DSCC1: variants seen among roughly 807,000 people sequenced by gnomAD.
DSCC1 encodes sister chromatid cohesion protein DCC1.
DSCC1 carries 32 observed loss-of-function variants against 48.2 expected under a neutral mutation model. The ratio of observed to expected loss-of-function variants is 0.66; its 90% CI spans 0.50 to 0.89. The LOEUF is 0.89. DSCC1 is among the 40% of genes least tolerant of loss of function. The probability of loss-of-function intolerance (pLI) is 0.00; values close to 1 mark genes in which losing one functional copy is unlikely to be tolerated. For missense variants in DSCC1, 421 were observed against 471.7 expected (o/e 0.89, Z 1.00); for synonymous variants, 150 against 171.5 (o/e 0.87, Z 0.98).
rs531155664 is a variant in DSCC1 at position 119,842,706 on chromosome 8, C to T, written c.769+70G>A. 70 of 1,430,950 alleles carry T rather than the reference C, an allele frequency of 4.9e-5. No individual in the cohort carries two copies. In the Middle Eastern group the frequency reaches 5.8e-3, roughly 119 times the overall value. 88.6% of individuals were successfully genotyped at this position (1,430,950 alleles called of 1,614,324 possible). A position where few individuals can be genotyped will look rare whatever the true frequency, so the allele number is the denominator to read the frequency against. On this transcript the variant is annotated intron_variant, in intron 6 of 8. Coordinates refer to ENST00000313655, the MANE Select transcript of DSCC1 (RefSeq NM_024094.3). ...CAGCCAGAGTTCTTATTTTTAACACCGACAGGCTTTAGAAAGGTATGCCAG... is the reference window on the plus strand; with the variant it reads ...CAGCCAGAGTTCTTATTTTTAACACTGACAGGCTTTAGAAAGGTATGCCAG...
At chr8:119,845,075 A>C in intron 4 of DSCC1, among the ~76,000 whole-genome samples, 2 of 149,920 alleles carry the variant, frequency 1.3e-5, no homozygotes, top group South Asian at 4.2e-4. Context: ...TTATTTATTT[A>C]TTTATTTATT....
At chr8:119,844,085 T>C (rs776397802) in intron 4 of DSCC1, among the ~76,000 whole-genome samples, 1 of 150,364 alleles carries the variant, frequency 6.7e-6, no homozygotes, top group Non-Finnish European at 1.5e-5. Context: ...CCAAAGAACA[T>C]TTTATGTAAA....
At chr8:119,851,581 A>T (rs1217345821) in intron 2 of DSCC1, among the ~76,000 whole-genome samples, 7 of 152,204 alleles carry the variant, frequency 4.6e-5, no homozygotes, top group African/African-American at 1.7e-4. Context: ...CAAAAATCTA[A>T]ATTTCAAGAA....
In DSCC1 at chr8:119,847,003, GGCATT is replaced by G; in HGVS notation, c.559_563del (p.Asn187LeufsTer2). The G allele has an allele frequency of 6.2e-7, 1 of 1,613,700 alleles. No individual in the cohort carries two copies. Among genetic ancestry groups the G allele is most frequent in the Non-Finnish European group, 8.5e-7 (1 of 1,179,936 alleles). On this transcript the variant is annotated frameshift_variant, in exon 4 of 9. Transcript: ENST00000313655. LOFTEE classifies it high-confidence loss of function. ...AAGTAACGCTACCTCCAATCTTACA[GGCATT>G]TAGAACTTGTAATTGGGTCATTATT... is the stretch of plus-strand genomic sequence containing the variant.
At chr8:119,851,075 A>G (rs908409938) in intron 2 of DSCC1, among the ~76,000 whole-genome samples, 1 of 152,186 alleles carries the variant, frequency 6.6e-6, no homozygotes, top group African/African-American at 2.4e-5. Context: ...GAGGCCTACC[A>G]CTCAAAATCC....
At chr8:119,843,493 C>G in intron 5 of DSCC1, 116 bp downstream of exon 5, 1 of 1,390,288 alleles carries the variant, frequency 7.2e-7, no homozygotes. Flanking sequence ...GTAAACATTT[C>G]TCAAAGATAT....
intron 8 of DSCC1, among the ~76,000 whole-genome samples, chr8:119,835,736 G>A (rs1455248475): frequency 6.6e-6 from 1 of 152,142 alleles, no homozygotes; most frequent in Non-Finnish European, 1.5e-5. Context: ...AGGGCCTAGA[G>A]TCAGAGAACC....
intron 1 of DSCC1, among the ~76,000 whole-genome samples, chr8:119,855,034 T>G (rs183451956): frequency 6.6e-6 from 1 of 152,320 alleles, no homozygotes; most frequent in Admixed American, 6.5e-5. Flanking sequence ...TTCTCTAGAC[T>G]TCTCAAGACT....
At position 119,835,067 on chromosome 8, in the gene DSCC1, G is replaced by A. The variant is rs973914765; in HGVS notation, c.1074-66C>T. On this transcript the variant is annotated intron_variant, in intron 8 of 8. Transcript: ENST00000313655. The stretch of plus-strand genomic sequence containing the variant: ...GGAACATATTATGATACAGTACTAT[G>A]TACTTATTTTCTCTCTCTCCCCCTG... 1.3e-5 allele frequency: 14 copies of A among 1,077,230 alleles called. No homozygotes were observed. In the African/African-American group the frequency reaches 2.0e-4, roughly 15 times the overall value. 66.7% of individuals were successfully genotyped at this position (1,077,230 alleles called of 1,614,324 possible).
rs1264658459 is a variant in DSCC1 at position 119,843,655 on chromosome 8, C to T, written c.670G>A (p.Val224Ile). ...VDSESWSFGK[V>I]PLNTCLQELG... ...TCCTGAAGGCATGTGTTCAAAGGAA[C>T]TTTACCAAAAGACCATGATTCAGAA... Residue 224 changes from valine to isoleucine, a missense_variant, in exon 5 of 9, where the codon GTT becomes ATT. Val to Ile is a conservative substitution (Grantham distance 29). Transcript: ENST00000313655. 2.5e-6 allele frequency: 4 copies of T among 1,613,928 alleles called. No homozygotes were observed. Among genetic ancestry groups the T allele is most frequent in the East Asian group, 2.2e-5 (1 of 44,888 alleles).
intron 3 of DSCC1, among the ~76,000 whole-genome samples, chr8:119,849,407 C>CAAACA (rs757092085): frequency 7.2e-5 from 11 of 152,110 alleles, no homozygotes; most frequent in Middle Eastern, 3.4e-3. Flanking sequence ...ACTCCGTCTG[C>CAAACA]AAACAAAACA....
intron 8 of DSCC1, among the ~76,000 whole-genome samples, chr8:119,837,544 G>C (rs971571818): frequency 1.3e-5 from 2 of 152,352 alleles, no homozygotes; most frequent in Admixed American, 6.5e-5. Context: ...AATCATGCCT[G>C]GTGAGGGGCC....
chr8:119,844,628 G>A (rs1044442728), intron 4 of DSCC1, among the ~76,000 whole-genome samples: 4 of 149,976 alleles, frequency 2.7e-5, no homozygotes, highest in Non-Finnish European at 1.5e-5. Context: ...TGCCCAAGCT[G>A]GTCTTAAACT....
chr8:119,841,947 G>T lies in DSCC1; in HGVS notation c.771C>A (p.Gly257=), dbSNP rs553526184. ...KCYGKKYVDE[G]EVYFELDADK... ...CAGCATCCAACTCAAAATAAACTTCGCCTAAGGAAAAGTTATCAGATATTT... is the reference window on the plus strand; with the variant it reads ...CAGCATCCAACTCAAAATAAACTTCTCCTAAGGAAAAGTTATCAGATATTT... Residue 257 remains glycine (G), a splice_region_variant and synonymous_variant, in exon 7 of 9, where the codon GGC becomes GGA. Coordinates refer to ENST00000313655, the MANE Select transcript of DSCC1 (RefSeq NM_024094.3). 16 of 1,612,486 alleles carry T rather than the reference G, an allele frequency of 9.9e-6. No individual in the cohort carries two copies. The highest frequency in any genetic ancestry group is 2.2e-5 in the East Asian group (1 of 44,852).
In DSCC1 at chr8:119,842,795, C is replaced by G; in HGVS notation, c.750G>C (p.Gly250=). The G allele has an allele frequency of 6.2e-7, 1 of 1,604,556 alleles. No homozygotes were observed. The highest frequency in any genetic ancestry group is 8.5e-7 in the Non-Finnish European group (1 of 1,176,160). The stretch of plus-strand genomic sequence containing the variant: ...TCTTACCTTCATCTACATATTTCTT[C>G]CCATAACATTTAAGACAGTGTTCTA... ...EMIEHCLKCY[G]KKYVDEGEVY... Residue 250 remains glycine (G), a synonymous_variant, in exon 6 of 9, where the codon GGG becomes GGC. Transcript: ENST00000313655.
At chr8:119,842,139 T>C (rs1264193063) in intron 6 of DSCC1, among the ~76,000 whole-genome samples, 191 bp from the exon 7 acceptor site, 2 of 152,048 alleles carry the variant, frequency 1.3e-5, no homozygotes, top group East Asian at 1.9e-4. Context: ...ATTGGCGTGA[T>C]CTTGGCTCAT....
At chr8:119,854,639 T>A (rs1180204092) in intron 1 of DSCC1, among the ~76,000 whole-genome samples, 6 of 151,148 alleles carry the variant, frequency 4.0e-5, no homozygotes, top group Admixed American at 3.3e-4. Context: ...GGCCTGTTTT[T>A]ATTTTTTTGT....
intron 3 of DSCC1, among the ~76,000 whole-genome samples, chr8:119,849,535 GA>G (rs1349008582): frequency 6.6e-6 from 1 of 152,200 alleles, no homozygotes; most frequent in Admixed American, 6.5e-5. Context: ...GAAATGTCCA[GA>G]ATAGGCAAAT....
chr8:119,853,253 CAA>C, intron 1 of DSCC1, 38 bp from the exon 2 acceptor site: 4 of 1,569,092 alleles, frequency 2.5e-6, no homozygotes, highest in Non-Finnish European at 3.5e-6. Flanking sequence ...AGTTTATTGA[CAA>C]TCCAGTAGCC....
Sources: allele counts gnomAD v4.1 joint callset (sites outside exome capture counted in the v4.1 genomes callset), GRCh38; gene constraint gnomAD v4.1.1; transcripts MANE v1.5; gene names NCBI Gene and HGNC (gene_info 2026-07-23, HGNC 2026-07-21).